The following KLHL4 variants were observed in gnomAD, a reference collection of about 807,000 sequenced individuals.
KLHL4 encodes kelch-like protein 4.
A neutral mutation model predicts 45.8 loss-of-function variants in KLHL4; 17 were observed. The ratio of observed to expected loss-of-function variants is 0.37; its 90% CI spans 0.25 to 0.56. The LOEUF is 0.56. Ranked by LOEUF, KLHL4 falls within the 20% of genes least tolerant of loss-of-function variation. KLHL4 has a pLI of 0.79. For missense variants in KLHL4, 544 were observed against 544.9 expected (o/e 1.00, Z 0.02); for synonymous variants, 224 against 189.9 (o/e 1.18, Z -1.47).
intron 1 of KLHL4, among the ~76,000 whole-genome samples, chrX:87,603,576 A>G (rs1922086055): frequency 9.0e-6 from 1 of 111,152 alleles, no homozygotes; most frequent in South Asian, 3.7e-4. Flanking sequence ...TAAAATTTAC[A>G]CACTATAATT....
intron 5 of KLHL4, among the ~76,000 whole-genome samples, chrX:87,623,454 C>T (rs140912838): frequency 0.012 from 1,322 of 108,537 alleles, 18 homozygotes; most frequent in African/African-American, 0.041. Flanking sequence ...CCACCACACC[C>T]AGCTAATTTT....
At chrX:87,563,497 A>G (rs369297262) in intron 1 of KLHL4, among the ~76,000 whole-genome samples, 149 of 107,788 alleles carry the variant, frequency 1.4e-3, no homozygotes, top group Non-Finnish European at 2.0e-3. Context: ...AATTCAATTG[A>G]TAAACTGAAG....
At chrX:87,556,025 A>G (rs1239548138) in intron 1 of KLHL4, among the ~76,000 whole-genome samples, 1 of 109,964 alleles carries the variant, frequency 9.1e-6, no homozygotes, top group African/African-American at 3.3e-5. Flanking sequence ...GAAGTTGAGC[A>G]GTTTTGAGTG....
intron 1 of KLHL4, among the ~76,000 whole-genome samples, chrX:87,549,289 G>A (rs1241779434): frequency 9.0e-6 from 1 of 110,949 alleles, no homozygotes; most frequent in East Asian, 2.8e-4. Flanking sequence ...TATTATTAGA[G>A]CTTAAGAGAG....
chrX:87,636,102 G>A (rs1923256689), intron 9 of KLHL4, among the ~76,000 whole-genome samples: 1 of 111,651 alleles, frequency 9.0e-6, no homozygotes, highest in African/African-American at 3.3e-5. Context: ...GCTAATCCTT[G>A]TAGTGGATTT....
intron 1 of KLHL4, among the ~76,000 whole-genome samples, chrX:87,563,748 G>C (rs771384876): frequency 9.0e-6 from 1 of 110,522 alleles, no homozygotes; most frequent in South Asian, 3.8e-4. Flanking sequence ...AAAGATACTA[G>C]TATTCAAGTA....
At position 87,668,397 on chromosome X, in the gene KLHL4, C is replaced by G; in HGVS notation, c.*1863C>G. The G allele has an allele frequency of 1.3e-6, 1 of 750,389 alleles. No individual in the cohort carries two copies. Among genetic ancestry groups the G allele is most frequent in the Non-Finnish European group, 1.6e-6 (1 of 635,708 alleles). The allele number at this position is 750,389 out of a possible 1,213,427, so 61.8% of individuals were successfully genotyped here. A position where few individuals can be genotyped will look rare whatever the true frequency, so the allele number is the denominator to read the frequency against. ...GAGGAAAGTGAAAGTTGAATACTCT[C>G]TTCTCAATGGCATAGCTGGACTTGA... On this transcript the variant is annotated 3_prime_UTR_variant, in exon 11 of 11. Transcript: ENST00000373119.
chrX:87,570,425 G>C (rs1369204392), intron 1 of KLHL4, among the ~76,000 whole-genome samples: 2 of 110,799 alleles, frequency 1.8e-5, no homozygotes, highest in African/African-American at 6.5e-5. Flanking sequence ...ACCTGATAGA[G>C]CATGGCAGGT....
At position 87,614,074 on chromosome X, in the gene KLHL4, T is replaced by C. The variant is rs199998101; in HGVS notation, c.590+30T>C. The C allele has an allele frequency of 3.7e-5, 39 of 1,056,854 alleles. No homozygotes were observed. The East Asian group carries it at 6.7e-4, about 18-fold the overall frequency. 87.1% of individuals were successfully genotyped at this position (1,056,854 alleles called of 1,213,427 possible). On this transcript the variant is annotated intron_variant, in intron 2 of 10. Transcript: ENST00000373119. ...GTATTTTTATGTATACAGAATGGTT[T>C]TGAGTAGGGCAATTATAAATAAGAG...
At chrX:87,562,019 G>A (rs905462236) in intron 1 of KLHL4, among the ~76,000 whole-genome samples, 1 of 109,606 alleles carries the variant, frequency 9.1e-6, no homozygotes, top group Non-Finnish European at 1.9e-5. Flanking sequence ...AATCACCATA[G>A]GACTTGGATG....
chrX:87,564,941 T>C (rs4463575), intron 1 of KLHL4, among the ~76,000 whole-genome samples: 197 of 111,778 alleles, frequency 1.8e-3, no homozygotes, highest in African/African-American at 6.3e-3. Flanking sequence ...AAATAAATTT[T>C]AAAAGTATGT....
chrX:87,599,703 G>A (rs762537166), intron 1 of KLHL4, among the ~76,000 whole-genome samples: 6 of 111,251 alleles, frequency 5.4e-5, no homozygotes, highest in African/African-American at 2.0e-4. Flanking sequence ...AGGCTTGGAG[G>A]ATTGTACCAC....
chrX:87,610,611 C>T (rs1922337305), intron 1 of KLHL4, among the ~76,000 whole-genome samples: 2 of 111,771 alleles, frequency 1.8e-5, no homozygotes, highest in East Asian at 5.6e-4. Context: ...TTTAAATTTA[C>T]ATATTAATAT....
chrX:87,548,804 C>T (rs1602410665), intron 1 of KLHL4, among the ~76,000 whole-genome samples: 1 of 95,284 alleles, frequency 1.0e-5, no homozygotes, highest in Admixed American at 1.3e-4. Context: ...AATTATATCA[C>T]CAGAGAAAAT....
chrX:87,556,584 T>A (rs1280354269), intron 1 of KLHL4, among the ~76,000 whole-genome samples: 1 of 109,596 alleles, frequency 9.1e-6, no homozygotes, highest in Non-Finnish European at 1.9e-5. Flanking sequence ...AAATGATGAG[T>A]GAATGGGTGC....
At chrX:87,592,001 C>T (rs1371763688) in intron 1 of KLHL4, among the ~76,000 whole-genome samples, 3 of 110,214 alleles carry the variant, frequency 2.7e-5, no homozygotes, top group Non-Finnish European at 3.8e-5. Flanking sequence ...AACTTCCCCC[C>T]CCACCCCCAC....
chrX:87,584,623 G>A (rs890447126), intron 1 of KLHL4, among the ~76,000 whole-genome samples: 5 of 110,852 alleles, frequency 4.5e-5, no homozygotes, highest in Non-Finnish European at 9.4e-5. Context: ...GCAGAAGATA[G>A]TAATAGTGAG....
intron 1 of KLHL4, among the ~76,000 whole-genome samples, chrX:87,542,700 A>T (rs955382398): frequency 3.6e-5 from 4 of 112,043 alleles, no homozygotes; most frequent in Admixed American, 9.5e-5. Flanking sequence ...GAAGTAAATA[A>T]CTTGCTTTTG....
chrX:87,653,105 C>G (rs1923872910), intron 9 of KLHL4, among the ~76,000 whole-genome samples: 1 of 111,686 alleles, frequency 9.0e-6, no homozygotes, highest in African/African-American at 3.3e-5. Flanking sequence ...CAATTATCTC[C>G]TACTGGGTCT....
Sources: allele counts gnomAD v4.1 joint callset (sites outside exome capture counted in the v4.1 genomes callset), GRCh38; gene constraint gnomAD v4.1.1; transcripts MANE v1.5; gene names NCBI Gene and HGNC (gene_info 2026-07-23, HGNC 2026-07-21).